The following LOC128092252 variants were observed in gnomAD, a reference collection of about 807,000 sequenced individuals.
chr15:50,652,834 A>C, the LOC128092252 span, among the ~76,000 whole-genome samples: 1 of 152,048 alleles, frequency 6.6e-6, no homozygotes, highest in Non-Finnish European at 1.5e-5. Context: ...ACTCCATCTC[A>C]AAAAAAGAAA....
At chr15:50,682,173 CAAAAAA>C in the LOC128092252 span, among the ~76,000 whole-genome samples, 16 of 63,682 alleles carry the variant, frequency 2.5e-4, no homozygotes, top group Admixed American at 6.9e-4. Flanking sequence ...AACTCAGTCT[CAAAAAA>C]AAAAAAAAAA....
chr15:50,674,178 G>T, the LOC128092252 span, among the ~76,000 whole-genome samples: 1 of 152,120 alleles, frequency 6.6e-6, no homozygotes, highest in Non-Finnish European at 1.5e-5. Context: ...TAGTAGAGAT[G>T]GGGTTTCACC....
chr15:50,680,539 A>G, the LOC128092252 span, among the ~76,000 whole-genome samples: 2 of 151,786 alleles, frequency 1.3e-5, no homozygotes, highest in African/African-American at 4.8e-5. Context: ...ACTGAACTCT[A>G]GCCTAATTGA....
the LOC128092252 span, among the ~76,000 whole-genome samples, chr15:50,649,128 A>G: frequency 6.6e-6 from 1 of 152,180 alleles, no homozygotes; most frequent in Non-Finnish European, 1.5e-5. Flanking sequence ...TCTACAAAAC[A>G]TGGCATAGGC....
At chr15:50,649,578 A>G in the LOC128092252 span, among the ~76,000 whole-genome samples, 1 of 152,246 alleles carries the variant, frequency 6.6e-6, no homozygotes, top group Non-Finnish European at 1.5e-5. Context: ...CAATGATTAT[A>G]TATTTGTATG....
At chr15:50,666,601 C>T in the LOC128092252 span, among the ~76,000 whole-genome samples, 3 of 151,536 alleles carry the variant, frequency 2.0e-5, no homozygotes, top group East Asian at 2.0e-4. Context: ...GTTGGGAGTT[C>T]GAGACCAGCC....
chr15:50,666,585 C>T, the LOC128092252 span, among the ~76,000 whole-genome samples: 1 of 152,090 alleles, frequency 6.6e-6, no homozygotes, highest in South Asian at 2.1e-4. Flanking sequence ...GGGCAGATCA[C>T]CTGACGTTGG....
the LOC128092252 span, chr15:50,686,692 C>G: frequency 1.1e-6 from 1 of 933,076 alleles, no homozygotes; most frequent in Non-Finnish European, 1.6e-6. Flanking sequence ...AGCTCCGGCG[C>G]TAGCAGCAGA....
At chr15:50,663,031 T>C in the LOC128092252 span, 1 of 1,613,546 alleles carries the variant, frequency 6.2e-7, no homozygotes, top group Non-Finnish European at 8.5e-7. Flanking sequence ...GTGCTTTCTA[T>C]CCAGGATTTC....
the LOC128092252 span, among the ~76,000 whole-genome samples, chr15:50,675,304 T>C: frequency 4.0e-5 from 6 of 151,768 alleles, no homozygotes; most frequent in African/African-American, 1.5e-4. Context: ...GATCACGCCA[T>C]TGCACTCCAA....
the LOC128092252 span, among the ~76,000 whole-genome samples, chr15:50,672,898 CAAAA>C: frequency 0.11 from 2,801 of 24,810 alleles, 9 homozygotes; most frequent in African/African-American, 0.17. Flanking sequence ...GACTCTGTCT[CAAAA>C]AAAAAAAAAA....
At chr15:50,663,102 A>G in the LOC128092252 span, 1 of 1,349,876 alleles carries the variant, frequency 7.4e-7, no homozygotes. Context: ...AATAAGAAGG[A>G]AACAATTTCA....
At chr15:50,653,810 G>A in the LOC128092252 span, among the ~76,000 whole-genome samples, 36 of 152,286 alleles carry the variant, frequency 2.4e-4, no homozygotes, top group African/African-American at 8.2e-4. Flanking sequence ...ATGGTCTAAG[G>A]TGTATCTGTG....
the LOC128092252 span, among the ~76,000 whole-genome samples, chr15:50,685,124 GGGTATAT>G: frequency 6.6e-6 from 1 of 152,234 alleles, no homozygotes; most frequent in Non-Finnish European, 1.5e-5. Context: ...ACTGGCCAAT[GGGTATAT>G]GGTAGTTCAT....
chr15:50,661,872 A>G, the LOC128092252 span, among the ~76,000 whole-genome samples: 1 of 152,186 alleles, frequency 6.6e-6, no homozygotes, highest in South Asian at 2.1e-4. Context: ...AGGTTAGGAA[A>G]TAACTATATC....
the LOC128092252 span, among the ~76,000 whole-genome samples, chr15:50,681,462 C>A: frequency 6.6e-6 from 1 of 152,066 alleles, no homozygotes; most frequent in African/African-American, 2.4e-5. Flanking sequence ...TAATGTATAG[C>A]CCTATCTTTC....
At chr15:50,652,322 C>T in the LOC128092252 span, among the ~76,000 whole-genome samples, 1 of 97,116 alleles carries the variant, frequency 1.0e-5, no homozygotes. Context: ...GAGTGAGACT[C>T]CATCTCAAAA....
chr15:50,674,840 A>G, the LOC128092252 span, among the ~76,000 whole-genome samples: 1 of 152,124 alleles, frequency 6.6e-6, no homozygotes, highest in Non-Finnish European at 1.5e-5. Flanking sequence ...GTTCTTCAAC[A>G]CTTCGAATAT....
chr15:50,657,676 A>G, the LOC128092252 span: 2 of 1,024,354 alleles, frequency 2.0e-6, no homozygotes, highest in Non-Finnish European at 2.9e-6. Context: ...CCCATCAAAT[A>G]TAATAGCATG....
Sources: allele counts gnomAD v4.1 joint callset (sites outside exome capture counted in the v4.1 genomes callset), GRCh38; gene constraint gnomAD v4.1.1; transcripts MANE v1.5.